The following DCP1B variants were observed in gnomAD, a reference collection of about 807,000 sequenced individuals.
The protein encoded by DCP1B is decapping mRNA 1B.
In DCP1B, 47 loss-of-function variants were observed where a neutral mutation model predicts 60.5. The ratio of observed to expected loss-of-function variants is 0.78; its 90% confidence interval spans 0.61 to 0.99. The LOEUF is 0.99. Ranked by LOEUF, DCP1B falls within the 50% of genes least tolerant of loss-of-function variation. The pLI is 0.00. For missense variants in DCP1B, 725 were observed against 756.8 expected (o/e 0.96, Z 0.49); for synonymous variants, 267 against 280.3 (o/e 0.95, Z 0.47).
intron 3 of DCP1B, among the ~76,000 whole-genome samples, chr12:1,986,641 A>G (rs897152326): frequency 4.2e-5 from 6 of 143,508 alleles, no homozygotes; most frequent in Non-Finnish European, 7.5e-5. Flanking sequence ...AGTTTTTAGA[A>G]AGAGGAGTTT....
intron 5 of DCP1B, among the ~76,000 whole-genome samples, chr12:1,964,821 G>A (rs2031238861): frequency 6.6e-6 from 1 of 152,156 alleles, no homozygotes; most frequent in Admixed American, 6.5e-5. Flanking sequence ...ACACCATACT[G>A]TTTGAAATGT....
chr12:1,958,622 T>C (rs557454793), intron 5 of DCP1B, among the ~76,000 whole-genome samples: 267 of 141,186 alleles, frequency 1.9e-3, no homozygotes, highest in African/African-American at 5.7e-3. Context: ...ATAAACCTCC[T>C]GGAAGGAGAC....
downstream of DCP1B, among the ~76,000 whole-genome samples, chr12:1,945,833 T>C (rs2030398627): frequency 6.6e-6 from 1 of 151,632 alleles, no homozygotes; most frequent in South Asian, 2.1e-4. Context: ...AATTGAACAA[T>C]GAGAACACAC....
chr12:1,947,575 A>G (rs1169213043), intron 8 of DCP1B, among the ~76,000 whole-genome samples: 1 of 152,234 alleles, frequency 6.6e-6, no homozygotes, highest in Non-Finnish European at 1.5e-5. Context: ...GAGTCTCAAG[A>G]CAATGTGAAG....
At chr12:1,992,642 G>A (rs2470433) in intron 3 of DCP1B, 20,687 of 159,492 alleles carry the variant, frequency 0.13, 1,584 homozygotes, top group Admixed American at 0.19. Context: ...GGTCAGAAAC[G>A]ATACGAGAGT....
chr12:1,941,736 ACAGT>A (rs1437878807), downstream of DCP1B, among the ~76,000 whole-genome samples: 1 of 152,050 alleles, frequency 6.6e-6, no homozygotes, highest in Admixed American at 6.6e-5. Context: ...TTTCCTTCTA[ACAGT>A]CAGGCCCCTC....
At chr12:2,000,826 CAGG>C (rs2042021731) in intron 1 of DCP1B, among the ~76,000 whole-genome samples, 1 of 152,182 alleles carries the variant, frequency 6.6e-6, no homozygotes, top group African/African-American at 2.4e-5. Flanking sequence ...CACCTGAGGT[CAGG>C]AGTTCAAGAC....
chr12:1,996,645 AAAAAAAAAAAC>A (rs374132125), intron 2 of DCP1B, among the ~76,000 whole-genome samples: 19,221 of 93,906 alleles, frequency 0.2, 2,352 homozygotes, highest in Admixed American at 0.27. Flanking sequence ...AAAAAAAAAA[AAAAAAAAAAAC>A]AACAAACTCT....
At chr12:1,978,772 T>A (rs1565805542) in intron 3 of DCP1B, among the ~76,000 whole-genome samples, 1 of 152,252 alleles carries the variant, frequency 6.6e-6, no homozygotes, top group African/African-American at 2.4e-5. Flanking sequence ...ATAAACTTCA[T>A]ATAAATGGGG....
At chr12:2,002,858 T>C (rs2042486333) in intron 1 of DCP1B, among the ~76,000 whole-genome samples, 1 of 152,180 alleles carries the variant, frequency 6.6e-6, no homozygotes, top group African/African-American at 2.4e-5. Context: ...CTGTCTATGT[T>C]GCTCAATGTT....
intron 5 of DCP1B, among the ~76,000 whole-genome samples, chr12:1,960,297 C>T (rs1302997614): frequency 6.6e-6 from 1 of 152,214 alleles, no homozygotes; most frequent in Admixed American, 6.5e-5. Context: ...CACAGAAAGG[C>T]AAGTACTGCA....
At chr12:2,000,379 G>C (rs16929001) in intron 1 of DCP1B, among the ~76,000 whole-genome samples, 1,903 of 151,876 alleles carry the variant, frequency 0.013, 43 homozygotes, top group African/African-American at 0.044. Flanking sequence ...TCTGAATAAG[G>C]ATATCTATAT....
chr12:1,998,637 A>G (rs1467671575), intron 1 of DCP1B, among the ~76,000 whole-genome samples: 2 of 152,224 alleles, frequency 1.3e-5, no homozygotes, highest in Non-Finnish European at 2.9e-5. Context: ...GAGAGGTGGT[A>G]AAGTTAAAAT....
At chr12:1,952,327 C>T in intron 7 of DCP1B, 89 bp downstream of exon 7, 2 of 1,442,038 alleles carry the variant, frequency 1.4e-6, no homozygotes, top group Non-Finnish European at 9.2e-7. Flanking sequence ...GCGTGTGACA[C>T]CAAGCCTGGC....
chr12:1,996,441 A>C (rs1185452605), intron 2 of DCP1B, among the ~76,000 whole-genome samples: 1 of 151,734 alleles, frequency 6.6e-6, no homozygotes, highest in Non-Finnish European at 1.5e-5. Flanking sequence ...TCCTGTTGAG[A>C]CTGCCTTCCC....
Position 1,952,406 on chromosome 12 carries a change from A to G in DCP1B, c.1524+10T>C. ...CAGGCTGTTTTATTTTGCCCCTGGT[A>G]CATATTTACCTGGAAAAGAGGAGTC... On this transcript the variant is annotated intron_variant, in intron 7 of 8. Coordinates refer to ENST00000280665, the MANE Select transcript of DCP1B (RefSeq NM_152640.5). The G allele has an allele frequency of 6.5e-7, 1 of 1,549,776 alleles. No individual in the cohort carries two copies. The highest frequency in any genetic ancestry group is 1.2e-5 in the South Asian group (1 of 81,714).
At position 2,004,428 on chromosome 12, in the gene DCP1B, C is replaced by T. The variant is rs773777304; in HGVS notation, c.4G>A (p.Ala2Thr). M[A>T]AVAAGGLVGK... ...ACCAGGCCGCCTGCCGCCACGGCTG[C>T]CATCTTCCCTCCCTCCCAGACATAG... The change falls in exon 1 of 9, where the codon GCA (alanine) becomes ACA (threonine). Residue 2 changes from alanine (A) to threonine (T), a missense_variant. Ala to Thr is a moderately conservative substitution (Grantham distance 58). Transcript: ENST00000280665. The T allele has an allele frequency of 1.2e-6, 2 of 1,608,722 alleles. No homozygotes were observed. Among genetic ancestry groups the T allele is most frequent in the Non-Finnish European group, 8.5e-7 (1 of 1,178,018 alleles).
intron 2 of DCP1B, among the ~76,000 whole-genome samples, chr12:1,996,762 C>T (rs751871132): frequency 1.3e-5 from 2 of 151,406 alleles, no homozygotes; most frequent in South Asian, 2.1e-4. Flanking sequence ...GACAAGCTTG[C>T]GATAAAGCCT....
At position 1,960,011 on chromosome 12, in the gene DCP1B, C is replaced by T. The variant is rs1592786852; in HGVS notation, c.523-4451G>A. On this transcript the variant is annotated intron_variant, in intron 5 of 8. Transcript: ENST00000280665. ...GCTCCTCAAAAAATTAGAAATAGAA[C>T]TACCACATGATCGAAGAATCCCATT... 2.0e-5 allele frequency among the ~76,000 whole-genome samples: 3 copies of T among 151,500 alleles called. 1 individual carries two copies. Among genetic ancestry groups the T allele is most frequent in the African/African-American group, 7.3e-5 (3 of 41,276 alleles).
Sources: gnomAD v4.1 joint callset for allele counts (sites outside exome capture counted in the v4.1 genomes callset) on GRCh38, gnomAD v4.1.1 for gene constraint, MANE v1.5 for transcripts, NCBI Gene and HGNC (gene_info 2026-07-23, HGNC 2026-07-21) for gene names.